Variants in POLH observed in about 807,000 individuals in gnomAD.
The protein encoded by POLH is DNA polymerase eta transcript.
Under a neutral mutation model 73.6 loss-of-function variants are expected in POLH, and 53 were observed. The ratio of observed to expected loss-of-function variants is 0.72; its 90% CI spans 0.58 to 0.91. The LOEUF (loss-of-function observed/expected upper bound fraction) is 0.91, where lower values mean the gene tolerates loss of function less well. Among genes scored for constraint, POLH ranks in the 40% least tolerant of loss-of-function variants. The probability of loss-of-function intolerance (pLI) is 0.00; values close to 1 mark genes in which losing one functional copy is unlikely to be tolerated. For synonymous variants in POLH, 292 were observed against 308.5 expected (o/e 0.95, Z 0.56); for missense variants, 768 against 865.4 (o/e 0.89, Z 1.41).
At chr6:43,608,165 CT>C (rs1176385911) in intron 9 of POLH, among the ~76,000 whole-genome samples, 1 of 152,024 alleles carries the variant, frequency 6.6e-6, no homozygotes, top group Non-Finnish European at 1.5e-5. Context: ...ATCCTCTCCC[CT>C]TTTTTAAATT....
At position 43,614,383 on chromosome 6, in the gene POLH, A is replaced by T; in HGVS notation, c.1968A>T (p.Ala656=). ...DMPEHMDYHF[A]LELQKSFLQP... is the part of the protein sequence containing the mutation. ...CAGAACACATGGACTATCATTTTGC[A>T]TTGGAGTTGCAGAAATCCTTTTTGC... Residue 656 remains alanine, a synonymous_variant, in exon 11 of 11, where the codon GCA becomes GCT. Coordinates refer to ENST00000372236, the MANE Select transcript of POLH (RefSeq NM_006502.3). The T allele has an allele frequency of 6.2e-7, 1 of 1,614,152 alleles. No homozygotes were observed. Among genetic ancestry groups the T allele is most frequent in the East Asian group, 2.2e-5 (1 of 44,872 alleles).
At chr6:43,606,256 C>A (rs755197435) in intron 9 of POLH, among the ~76,000 whole-genome samples, 1 of 151,954 alleles carries the variant, frequency 6.6e-6, no homozygotes, top group Non-Finnish European at 1.5e-5. Flanking sequence ...CTTGTTCACC[C>A]TACGTGTCTG....
rs531420875 is a variant in POLH, at chr6:43,611,668, A to C, written c.1244+945A>C. 2.0e-5 allele frequency among the ~76,000 whole-genome samples: 3 copies of C among 152,156 alleles called. No homozygotes were observed. In the South Asian group the frequency reaches 6.2e-4, roughly 32 times the overall value. Reference sequence around the variant, plus strand: ...ATGTATATTGAATATTATACAAAATAAAATCAAAGTTTAGTTAATCGCTTA... The same window carrying C: ...ATGTATATTGAATATTATACAAAATCAAATCAAAGTTTAGTTAATCGCTTA... On this transcript the variant is annotated intron_variant, in intron 10 of 10. Transcript: ENST00000372236.
intron 9 of POLH, among the ~76,000 whole-genome samples, chr6:43,609,078 C>T (rs1260518338): frequency 2.0e-5 from 3 of 152,152 alleles, no homozygotes; most frequent in African/African-American, 7.2e-5. Context: ...TTATTCAAAT[C>T]TCTGTGCATG....
rs760104150 is a variant in POLH at position 43,597,776 on chromosome 6, A to G, written c.571A>G (p.Thr191Ala). 5.0e-6 allele frequency: 8 copies of G among 1,613,848 alleles called. No individual in the cohort carries two copies. The highest frequency in any genetic ancestry group is 3.3e-5 in the Admixed American group (2 of 60,014). Residue 191 changes from threonine (T) to alanine (A), a missense_variant, in exon 5 of 11, where the codon ACC (threonine) becomes GCC (alanine). Physicochemically the swap from Thr to Ala is moderately conservative, Grantham distance 58 (BLOSUM62 0). Transcript: ENST00000372236. Reference sequence around the variant, plus strand: ...CCTCACCTCTCCAGACCTGCAGCTCACCGTGGGAGCAGTGATTGTGGAGGA... The same window carrying G: ...CCTCACCTCTCCAGACCTGCAGCTCGCCGTGGGAGCAGTGATTGTGGAGGA... ...DNLTSPDLQL[T>A]VGAVIVEEMR...
chr6:43,596,137 A>G (rs1766024356), intron 4 of POLH, among the ~76,000 whole-genome samples: 1 of 152,204 alleles, frequency 6.6e-6, no homozygotes, highest in African/African-American at 2.4e-5. Flanking sequence ...TAAACTTGCC[A>G]TAAGCCCTAA....
chr6:43,578,523 TC>T, intron 1 of POLH: 4 of 319,418 alleles, frequency 1.3e-5, no homozygotes, highest in Non-Finnish European at 2.4e-5. Context: ...AGACTTTGTC[TC>T]AAAAAAAAAA....
chr6:43,604,506 T>C lies in POLH; in HGVS notation c.885-109T>C, dbSNP rs543412435. 1.2e-5 allele frequency: 15 copies of C among 1,257,054 alleles called. No homozygotes were observed. In the South Asian group the frequency reaches 1.8e-4, roughly 15 times the overall value. The allele number at this position is 1,257,054 out of a possible 1,614,324, so 77.9% of individuals were successfully genotyped here. A position where few individuals can be genotyped will look rare whatever the true frequency, so the allele number is the denominator to read the frequency against. ...GTACACTAAATTTTGGACAAGGTTT[T>C]CCTTTTTCATGAAAAAGATAAAAGG... On this transcript the variant is annotated intron_variant, in intron 7 of 10. Transcript: ENST00000372236.
Position 43,617,340 on chromosome 6 carries a change from A to G in POLH, c.*2783A>G, listed in dbSNP as rs1481262167. ...AATCTGATATTAACAAGATTTCCCAATGTGGGTCAGGTGTGGTGGCTCATG... is the reference window on the plus strand; with the variant it reads ...AATCTGATATTAACAAGATTTCCCAGTGTGGGTCAGGTGTGGTGGCTCATG... On this transcript the variant is annotated 3_prime_UTR_variant, in exon 11 of 11. Transcript: ENST00000372236. Among the ~76,000 whole-genome samples, 1 of 152,134 alleles carries G rather than the reference A, an allele frequency of 6.6e-6. No homozygotes were observed. The highest frequency in any genetic ancestry group is 6.5e-5 in the Admixed American group (1 of 15,270).
chr6:43,614,750 A>C lies in POLH; in HGVS notation c.*193A>C. On this transcript the variant is annotated 3_prime_UTR_variant, in exon 11 of 11. Coordinates refer to ENST00000372236, the MANE Select transcript of POLH (RefSeq NM_006502.3). ...TGGATTCTAATCCCACTGCTGACAGAGATGTAAAAATTCATCCTACCAGAG... is the reference window on the plus strand; with the variant it reads ...TGGATTCTAATCCCACTGCTGACAGCGATGTAAAAATTCATCCTACCAGAG... 1 of 566,740 alleles carries C rather than the reference A, an allele frequency of 1.8e-6. No homozygotes were observed. Among genetic ancestry groups the C allele is most frequent in the East Asian group, 2.9e-5 (1 of 33,942 alleles). The allele number at this position is 566,740 out of a possible 1,614,324, so 35.1% of individuals were successfully genotyped here.
Position 43,601,080 on chromosome 6 carries a change from C to A in POLH, c.753C>A (p.Pro251=). The A allele has an allele frequency of 6.2e-7, 1 of 1,610,148 alleles. No homozygotes were observed. Among genetic ancestry groups the A allele is most frequent in the Non-Finnish European group, 8.5e-7 (1 of 1,176,390 alleles). ...GSVPQLFSQM[P]IRKIRSLGGK... The stretch of plus-strand genomic sequence containing the variant: ...TCCCACAGCTCTTCAGCCAAATGCC[C>A]ATTCGCAAAATGTAAGTATTCAGGC... Residue 251 remains proline, a synonymous_variant, in exon 6 of 11, where the codon CCC becomes CCA. Coordinates refer to ENST00000372236, the MANE Select transcript of POLH (RefSeq NM_006502.3).
rs976489253 is a variant in POLH, at chr6:43,619,301, G to T, written c.*4744G>T. ...GATCACCTGAATCTGGGAGTTTGGG[G>T]CTGCAATAAGCCATGATTGTGCCGC... On this transcript the variant is annotated 3_prime_UTR_variant, in exon 11 of 11. Coordinates refer to ENST00000372236, the MANE Select transcript of POLH (RefSeq NM_006502.3). 6.8e-6 allele frequency among the ~76,000 whole-genome samples: 1 copy of T among 146,944 alleles called. No homozygotes were observed. The highest frequency in any genetic ancestry group is 1.5e-5 in the Non-Finnish European group (1 of 67,344).
chr6:43,603,945 A>T lies in POLH; in HGVS notation c.818A>T (p.Glu273Val). 6.2e-7 allele frequency: 1 copy of T among 1,612,634 alleles called. No homozygotes were observed. Among genetic ancestry groups the T allele is most frequent in the Non-Finnish European group, 8.5e-7 (1 of 1,178,664 alleles). Residue 273 changes from glutamate (E) to valine (V), a missense_variant, in exon 7 of 11, where the codon GAA (glutamate) becomes GTA (valine). By Grantham distance (121) the Glu-to-Val change is moderately radical. Transcript: ENST00000372236. ...GASVIEILGIEYMGELTQFTE... is the reference protein window; with the variant it reads ...GASVIEILGIVYMGELTQFTE... ...TCTGTCATTGAGATCCTAGGGATAG[A>T]ATACATGGGTGAACTGACCCAGTTC...
At chr6:43,606,239 C>T (rs1229529549) in intron 9 of POLH, among the ~76,000 whole-genome samples, 1 of 151,780 alleles carries the variant, frequency 6.6e-6, no homozygotes. Flanking sequence ...TACATTAGCT[C>T]AATAGACTTG....
At chr6:43,598,655 A>T (rs992364611) in intron 5 of POLH, among the ~76,000 whole-genome samples, 1 of 151,824 alleles carries the variant, frequency 6.6e-6, no homozygotes, top group Non-Finnish European at 1.5e-5. Context: ...AAAGAAAAAG[A>T]AAAGAAAAAC....
intron 5 of POLH, among the ~76,000 whole-genome samples, chr6:43,599,884 T>C (rs934849398): frequency 5.9e-5 from 9 of 151,674 alleles, no homozygotes; most frequent in African/African-American, 1.7e-4. Flanking sequence ...CTTGGCCGAG[T>C]GCGGTGGCTC....
At chr6:43,611,281 C>T (rs555516218) in intron 10 of POLH, among the ~76,000 whole-genome samples, 1 of 152,302 alleles carries the variant, frequency 6.6e-6, no homozygotes, top group African/African-American at 2.4e-5. Flanking sequence ...GAACAGAGCT[C>T]AAATTTCAAG....
intron 2 of POLH, 104 bp downstream of exon 2, chr6:43,582,560 CT>C: frequency 1.7e-6 from 2 of 1,161,394 alleles, no homozygotes; most frequent in Non-Finnish European, 2.6e-6. Context: ...CAGGGCCTTT[CT>C]CTGTTGTCCC....
chr6:43,612,483 A>G (rs1302890976), intron 10 of POLH, among the ~76,000 whole-genome samples: 1 of 147,814 alleles, frequency 6.8e-6, no homozygotes, highest in Admixed American at 6.8e-5. Context: ...AGTAGCTGGG[A>G]TTACAGGTGC....
Sources: gnomAD v4.1 joint callset for allele counts (sites outside exome capture counted in the v4.1 genomes callset) on GRCh38, gnomAD v4.1.1 for gene constraint, MANE v1.5 for transcripts, NCBI Gene and HGNC (gene_info 2026-07-23, HGNC 2026-07-21) for gene names.